Variants in CACNB2 observed in about 807,000 individuals in gnomAD.
CACNB2 encodes the protein calcium voltage-gated channel auxiliary subunit beta 2, also known as voltage-dependent L-type calcium channel subunit beta-2.
Under a neutral mutation model 73.3 loss-of-function variants are expected in CACNB2, and 42 were observed. That is an observed-to-expected ratio of 0.57 (90% CI 0.45 to 0.74). The LOEUF (loss-of-function observed/expected upper bound fraction) is 0.74, where lower values mean the gene tolerates loss of function less well. CACNB2 is among the 30% of genes least tolerant of loss of function. The pLI is 0.00. For missense variants in CACNB2, 940 were observed against 853.0 expected, an observed-to-expected ratio of 1.10 and a Z score of -1.27; for synonymous variants, 348 against 310.3, an observed-to-expected ratio of 1.12 and a Z score of -1.28.
rs540688026 is a variant in CACNB2, at chr10:18,198,847, C to G, written c.213+47872C>G. On this transcript the variant is annotated intron_variant, in intron 2 of 13. Coordinates refer to ENST00000324631, the MANE Select transcript of CACNB2 (RefSeq NM_201596.3). ...CTCCCTGACGCATTGCATGACCACT[C>G]TAGTTTGAATCAATTTACTTCTATT... Among the ~76,000 whole-genome samples, 4 of 152,290 alleles carry G rather than the reference C, an allele frequency of 2.6e-5. No homozygotes were observed. The South Asian group carries it at 8.3e-4, about 32-fold the overall frequency.
chr10:18,190,048 C>T (rs1430266979), intron 2 of CACNB2, among the ~76,000 whole-genome samples: 2 of 152,202 alleles, frequency 1.3e-5, no homozygotes. Context: ...TGGACAGGCA[C>T]TGGGGATGTG....
chr10:18,211,803 G>A (rs560083052), intron 2 of CACNB2, among the ~76,000 whole-genome samples: 18 of 152,144 alleles, frequency 1.2e-4, no homozygotes, highest in East Asian at 5.8e-4. Context: ...ATTCCGTGGC[G>A]TGAATGCGAC....
At chr10:18,501,226 C>A (rs1199458584) in intron 5 of CACNB2, among the ~76,000 whole-genome samples, 1 of 152,184 alleles carries the variant, frequency 6.6e-6, no homozygotes, top group Non-Finnish European at 1.5e-5. Context: ...AGAGGAAAAT[C>A]TGAAACCTTA....
intron 2 of CACNB2, chr10:18,400,845 TAAG>T: frequency 6.8e-7 from 1 of 1,467,446 alleles, no homozygotes; most frequent in South Asian, 1.4e-5. Flanking sequence ...AATGGGAAAA[TAAG>T]AATCTCCCTG....
intron 5 of CACNB2, among the ~76,000 whole-genome samples, chr10:18,501,566 C>T (rs1490868683): frequency 2.6e-5 from 4 of 152,248 alleles, no homozygotes; most frequent in Non-Finnish European, 5.9e-5. Flanking sequence ...GAAAGAATCA[C>T]TAGAAAGGCT....
intron 2 of CACNB2, among the ~76,000 whole-genome samples, chr10:18,229,000 A>T (rs2036125047): frequency 1.3e-5 from 2 of 152,248 alleles, no homozygotes; most frequent in South Asian, 4.1e-4. Flanking sequence ...CCTCAGCCTC[A>T]CAAAGTGGTG....
At chr10:18,348,132 T>C (rs1048057916) in intron 2 of CACNB2, among the ~76,000 whole-genome samples, 1 of 152,222 alleles carries the variant, frequency 6.6e-6, no homozygotes, top group Non-Finnish European at 1.5e-5. Flanking sequence ...TGGCCTCTGT[T>C]GACGAAATTG....
At chr10:18,227,848 A>G (rs1298548076) in intron 2 of CACNB2, among the ~76,000 whole-genome samples, 1 of 152,206 alleles carries the variant, frequency 6.6e-6, no homozygotes, top group Non-Finnish European at 1.5e-5. Flanking sequence ...AAAGGCATTT[A>G]TTGGACTGGG....
intron 12 of CACNB2, 141 bp downstream of exon 12, chr10:18,536,337 C>T (rs1467757265): frequency 5.1e-6 from 3 of 589,360 alleles, no homozygotes; most frequent in African/African-American, 2.1e-5. Flanking sequence ...TAGCTCACTG[C>T]AGCCCTGAAC....
In CACNB2 at chr10:18,540,390, A is replaced by C. The variant is rs1366846379; in HGVS notation, c.*666A>C. The stretch of plus-strand genomic sequence containing the variant: ...TTTAGAGTCTTAATGCCAAGTCAGC[A>C]GATTTGCTTTATGAATTACAGGGAC... On this transcript the variant is annotated 3_prime_UTR_variant, in exon 14 of 14. Transcript: ENST00000324631. The C allele has an allele frequency of 6.6e-6, 1 of 152,432 alleles. No homozygotes were observed. Among genetic ancestry groups the C allele is most frequent in the Admixed American group, 6.6e-5 (1 of 15,254 alleles). The allele number at this position is 152,432 out of a possible 1,614,324, so 9.4% of individuals were successfully genotyped here. A position where few individuals can be genotyped will look rare whatever the true frequency, so the allele number is the denominator to read the frequency against.
intron 3 of CACNB2, among the ~76,000 whole-genome samples, chr10:18,477,088 TAG>T (rs1452425710): frequency 3.3e-5 from 5 of 152,052 alleles, no homozygotes. Flanking sequence ...GCAAAGGGCG[TAG>T]CCTTTGGTCC....
intron 2 of CACNB2, among the ~76,000 whole-genome samples, chr10:18,302,092 A>G (rs74491282): frequency 0.06 from 9,179 of 152,264 alleles, 351 homozygotes; most frequent in Non-Finnish European, 0.089. Flanking sequence ...ATGAAGAAAT[A>G]GCATAGTAAT....
chr10:18,319,643 A>G (rs928738982), intron 2 of CACNB2, among the ~76,000 whole-genome samples: 9 of 152,160 alleles, frequency 5.9e-5, no homozygotes, highest in Admixed American at 3.9e-4. Context: ...AAAAAATAAA[A>G]AGGCACAACA....
intron 2 of CACNB2, among the ~76,000 whole-genome samples, chr10:18,268,389 A>G (rs992181615): frequency 6.6e-6 from 1 of 152,266 alleles, no homozygotes; most frequent in Non-Finnish European, 1.5e-5. Flanking sequence ...ATCTGACAAT[A>G]GGAATAAATA....
intron 2 of CACNB2, among the ~76,000 whole-genome samples, chr10:18,205,333 G>T (rs2035045238): frequency 6.6e-6 from 1 of 152,170 alleles, no homozygotes; most frequent in Non-Finnish European, 1.5e-5. Context: ...TGTGAGAATT[G>T]AATGGGATTT....
chr10:18,428,876 T>G (rs2045740612), intron 3 of CACNB2, among the ~76,000 whole-genome samples: 1 of 152,204 alleles, frequency 6.6e-6, no homozygotes, highest in African/African-American at 2.4e-5. Context: ...GGCTGATAAC[T>G]CCTACTTGAT....
intron 3 of CACNB2, among the ~76,000 whole-genome samples, chr10:18,476,839 T>A (rs1280729230): frequency 1.3e-5 from 2 of 151,986 alleles, no homozygotes; most frequent in African/African-American, 2.4e-5. Flanking sequence ...ATGGTGAAAC[T>A]CCGTCTCTAC....
chr10:18,391,794 G>A (rs1308050560), intron 2 of CACNB2, among the ~76,000 whole-genome samples: 1 of 151,762 alleles, frequency 6.6e-6, no homozygotes, highest in Non-Finnish European at 1.5e-5. Context: ...TGGGCATGGT[G>A]GTGCGCACCT....
chr10:18,195,619 G>A (rs914562821), intron 2 of CACNB2, among the ~76,000 whole-genome samples: 2 of 152,226 alleles, frequency 1.3e-5, no homozygotes, highest in African/African-American at 2.4e-5. Context: ...TGGGATGCAC[G>A]TGCCAAGAAT....
Sources: allele counts gnomAD v4.1 joint callset (sites outside exome capture counted in the v4.1 genomes callset), GRCh38; gene constraint gnomAD v4.1.1; transcripts MANE v1.5; gene names NCBI Gene and HGNC (gene_info 2026-07-23, HGNC 2026-07-21).